IMMP2L: variants seen among roughly 807,000 people sequenced by gnomAD.
IMMP2L encodes mitochondrial inner membrane protease subunit 2.
IMMP2L carries 18 observed loss-of-function variants against 19.3 expected under a neutral mutation model. The ratio of observed to expected loss-of-function variants is 0.93; its 90% CI spans 0.64 to 1.38. IMMP2L has a LOEUF of 1.38. Ranked by LOEUF, IMMP2L falls within the 40% of genes most tolerant of loss-of-function variation. The probability of loss-of-function intolerance (pLI) is 0.00; values close to 1 mark genes in which losing one functional copy is unlikely to be tolerated. For synonymous variants in IMMP2L, 76 were observed against 73.0 expected (o/e 1.04, Z -0.21); for missense variants, 233 against 218.2 (o/e 1.07, Z -0.43).
chr7:110,858,331 T>C (rs1252776175), intron 5 of IMMP2L, among the ~76,000 whole-genome samples: 4 of 152,090 alleles, frequency 2.6e-5, no homozygotes, highest in African/African-American at 9.7e-5. Context: ...GGTATCCTCC[T>C]TGTTCCTAAA....
intron 4 of IMMP2L, among the ~76,000 whole-genome samples, chr7:110,953,744 C>T (rs1818075671): frequency 6.6e-6 from 1 of 152,168 alleles, no homozygotes; most frequent in African/African-American, 2.4e-5. Context: ...AATCGCCACA[C>T]TGTCTACCAC....
At position 111,514,359 on chromosome 7, in the gene IMMP2L, G is replaced by A. The variant is rs370212333; in HGVS notation, c.135+6954C>T. Among the ~76,000 whole-genome samples, 4 of 152,076 alleles carry A rather than the reference G, an allele frequency of 2.6e-5. No homozygotes were observed. In the East Asian group the frequency reaches 7.7e-4, roughly 29 times the overall value. On this transcript the variant is annotated intron_variant, in intron 2 of 5. Coordinates refer to ENST00000405709, the MANE Select transcript of IMMP2L (RefSeq NM_032549.4). ...ACAGAATGGGCAACATCGCACACCG[G>A]GGCCTGTGGTGGGGTTGGGGGATGG...
intron 5 of IMMP2L, among the ~76,000 whole-genome samples, chr7:110,882,358 TCTCTCTCTCTCTCTCTCC>T (rs1192163174): frequency 1.7e-4 from 22 of 129,854 alleles, no homozygotes; most frequent in African/African-American, 7.6e-4. Context: ...CCTCTCTCCC[TCTCTCTCTCTCTCTCTCC>T]CTCTCTCTCT....
intron 3 of IMMP2L, among the ~76,000 whole-genome samples, chr7:110,971,827 C>T (rs370820912): frequency 2.0e-5 from 3 of 152,064 alleles, no homozygotes; most frequent in East Asian, 3.9e-4. Context: ...TAGTGACAAT[C>T]GAGATATGCA....
intron 1 of IMMP2L, among the ~76,000 whole-genome samples, chr7:111,557,049 A>C (rs1331877502): frequency 6.6e-6 from 1 of 151,986 alleles, no homozygotes; most frequent in East Asian, 1.9e-4. Context: ...CCTCTCCCAT[A>C]TCTTTTACAT....
chr7:111,118,574 T>G (rs1800174963), intron 3 of IMMP2L, among the ~76,000 whole-genome samples: 1 of 151,946 alleles, frequency 6.6e-6, no homozygotes, highest in African/African-American at 2.4e-5. Context: ...AAAGTGGAGA[T>G]TAATGTACCT....
intron 1 of IMMP2L, among the ~76,000 whole-genome samples, chr7:111,546,493 C>T (rs1455294538): frequency 2.0e-5 from 3 of 152,030 alleles, no homozygotes; most frequent in Non-Finnish European, 2.9e-5. Context: ...TTGAGTTGTT[C>T]GTGCTCTTTA....
intron 3 of IMMP2L, among the ~76,000 whole-genome samples, chr7:111,072,369 T>C (rs1795027159): frequency 6.6e-6 from 1 of 152,232 alleles, no homozygotes; most frequent in Admixed American, 6.5e-5. Context: ...GCAGATACTA[T>C]GTTTGCTAAA....
At chr7:110,849,070 T>C (rs946496986) in intron 5 of IMMP2L, among the ~76,000 whole-genome samples, 3 of 152,098 alleles carry the variant, frequency 2.0e-5, no homozygotes, top group East Asian at 3.9e-4. Flanking sequence ...CTATAGACTT[T>C]GGGTAATAAT....
At chr7:111,527,820 A>G (rs1388471705) in intron 1 of IMMP2L, among the ~76,000 whole-genome samples, 1 of 152,048 alleles carries the variant, frequency 6.6e-6, no homozygotes, top group East Asian at 1.9e-4. Context: ...TGTTTTTCTG[A>G]GAGATTATAA....
chr7:111,259,729 A>G (rs1237511349), intron 3 of IMMP2L, among the ~76,000 whole-genome samples: 1 of 151,812 alleles, frequency 6.6e-6, no homozygotes, highest in Non-Finnish European at 1.5e-5. Context: ...AAATTTTTTG[A>G]CTTTTGTAAT....
At chr7:111,215,360 C>T (rs991517905) in intron 3 of IMMP2L, among the ~76,000 whole-genome samples, 1 of 151,274 alleles carries the variant, frequency 6.6e-6, no homozygotes, top group South Asian at 2.1e-4. Flanking sequence ...CTGAATCTGA[C>T]CCAAAATCCA....
intron 3 of IMMP2L, among the ~76,000 whole-genome samples, chr7:111,372,207 A>C (rs1830316372): frequency 6.6e-6 from 1 of 152,044 alleles, no homozygotes; most frequent in Admixed American, 6.6e-5. Context: ...TGATTATTAT[A>C]CATTGCATAC....
chr7:111,312,972 A>G (rs1264279475), intron 3 of IMMP2L, among the ~76,000 whole-genome samples: 1 of 152,136 alleles, frequency 6.6e-6, no homozygotes, highest in Non-Finnish European at 1.5e-5. Flanking sequence ...TGAAGGCACA[A>G]AACAAAAACA....
intron 4 of IMMP2L, among the ~76,000 whole-genome samples, chr7:110,909,889 GGA>G (rs71778763): frequency 1.3e-5 from 2 of 148,358 alleles, no homozygotes; most frequent in African/African-American, 2.6e-5. Context: ...GTTAAACAGA[GGA>G]GAGAGAGAGA....
intron 3 of IMMP2L, among the ~76,000 whole-genome samples, chr7:111,165,787 A>C (rs1586653213): frequency 1.3e-5 from 2 of 152,146 alleles, no homozygotes; most frequent in Middle Eastern, 3.4e-3. Flanking sequence ...CCTAGGAAAA[A>C]GACTGACAGC....
At chr7:111,070,698 T>A (rs959916843) in intron 3 of IMMP2L, among the ~76,000 whole-genome samples, 2 of 152,168 alleles carry the variant, frequency 1.3e-5, no homozygotes, top group Admixed American at 6.5e-5. Flanking sequence ...TGCTGCACCA[T>A]AGTGGCCATA....
intron 3 of IMMP2L, among the ~76,000 whole-genome samples, chr7:111,275,331 G>A (rs573766958): frequency 2.7e-4 from 41 of 152,188 alleles, no homozygotes; most frequent in Admixed American, 3.9e-4. Flanking sequence ...AAATATTTCC[G>A]AGGAGAATTA....
chr7:111,148,023 C>T (rs970477330), intron 3 of IMMP2L, among the ~76,000 whole-genome samples: 1 of 151,870 alleles, frequency 6.6e-6, no homozygotes, highest in African/African-American at 2.4e-5. Flanking sequence ...CCAAGAGTAC[C>T]GAAAACATAT....
Sources: gnomAD v4.1 joint callset for allele counts (sites outside exome capture counted in the v4.1 genomes callset) on GRCh38, gnomAD v4.1.1 for gene constraint, MANE v1.5 for transcripts, NCBI Gene and HGNC (gene_info 2026-07-23, HGNC 2026-07-21) for gene names.